The following AGTPBP1 variants were observed in gnomAD, a reference collection of about 807,000 sequenced individuals.
AGTPBP1 encodes cytosolic carboxypeptidase 1.
In AGTPBP1, 70 loss-of-function variants were observed where a neutral mutation model predicts 143.9. That is an observed-to-expected ratio of 0.49 (90% CI 0.40 to 0.59). The LOEUF (loss-of-function observed/expected upper bound fraction) is 0.59. AGTPBP1 is among the 20% of genes least tolerant of loss of function. AGTPBP1 has a pLI of 0.00. For synonymous variants in AGTPBP1, 463 were observed against 500.2 expected, an observed-to-expected ratio of 0.93 and a Z score of 0.99; for missense variants, 1,229 against 1,464.5, an observed-to-expected ratio of 0.84 and a Z score of 2.62.
intron 2 of AGTPBP1, among the ~76,000 whole-genome samples, chr9:85,699,579 C>T (rs1428671213): frequency 1.4e-5 from 2 of 146,690 alleles, no homozygotes; most frequent in African/African-American, 2.5e-5. Context: ...CTCATAAATA[C>T]GGTAAAAAAA....
the AGTPBP1 span, among the ~76,000 whole-genome samples, chr9:85,784,713 G>T: frequency 2.0e-5 from 3 of 152,136 alleles, no homozygotes; most frequent in African/African-American, 7.2e-5. Flanking sequence ...GATTTTGAGA[G>T]AATTTTAAAA....
chr9:85,787,185 T>G, the AGTPBP1 span, among the ~76,000 whole-genome samples: 2 of 152,204 alleles, frequency 1.3e-5, no homozygotes, highest in Non-Finnish European at 2.9e-5. Context: ...TTTTAAAAAT[T>G]TATAATGCTA....
At chr9:85,765,029 T>A in the AGTPBP1 span, 1 of 605,008 alleles carries the variant, frequency 1.7e-6, no homozygotes, top group African/African-American at 1.8e-5. Flanking sequence ...GTAAACTTGG[T>A]TCCTTGAGAT....
At position 85,566,209 on chromosome 9, in the gene AGTPBP1, A is replaced by C. The variant is rs532786650; in HGVS notation, c.3503+9106T>G. 6.6e-5 allele frequency among the ~76,000 whole-genome samples: 10 copies of C among 152,292 alleles called. No homozygotes were observed. In the South Asian group the frequency reaches 2.1e-3, roughly 32 times the overall value. ...GGAGTTAGCCAGGCAAAGTGTGAGC[A>C]AAAGGCTTCTCTTAAAAGTTGGTAT... On this transcript the variant is annotated intron_variant, in intron 25 of 25. Coordinates refer to ENST00000357081, the MANE Select transcript of AGTPBP1 (RefSeq NM_001330701.2).
At position 85,689,661 on chromosome 9, in the gene AGTPBP1, G is replaced by A. The variant is rs1037511070; in HGVS notation, c.157+3028C>T. ...TGTAATCCCAGCACTGTGGGAGGCC[G>A]AGACCGGCAGATCGCCTGAGGTCAA... On this transcript the variant is annotated intron_variant, in intron 3 of 25. Transcript: ENST00000357081. Among the ~76,000 whole-genome samples, 11 of 151,842 alleles carry A rather than the reference G, an allele frequency of 7.2e-5. No individual in the cohort carries two copies. The East Asian group carries it at 7.7e-4, about 11-fold the overall frequency.
chr9:85,797,994 G>A, the AGTPBP1 span, among the ~76,000 whole-genome samples: 1 of 151,896 alleles, frequency 6.6e-6, no homozygotes, highest in Non-Finnish European at 1.5e-5. Context: ...TCAGGTTCAA[G>A]TGATTCTCCT....
chr9:85,741,737 G>T, intron 1 of AGTPBP1, 38 bp downstream of exon 1: 3 of 1,282,738 alleles, frequency 2.3e-6, no homozygotes, highest in South Asian at 2.4e-5. Flanking sequence ...GCAGAGGGAC[G>T]GCCGGCCGGG....
intron 25 of AGTPBP1, among the ~76,000 whole-genome samples, chr9:85,569,310 T>C (rs1827307756): frequency 6.6e-6 from 1 of 152,086 alleles, no homozygotes; most frequent in Admixed American, 6.5e-5. Context: ...TTACCAATAA[T>C]GTAAATAATG....
chr9:85,760,767 C>T, the AGTPBP1 span, among the ~76,000 whole-genome samples: 1 of 152,104 alleles, frequency 6.6e-6, no homozygotes, highest in East Asian at 1.9e-4. Flanking sequence ...AAGTTCTGGC[C>T]AGGGCAATCA....
intron 1 of AGTPBP1, 89 bp from the exon 2 acceptor site, chr9:85,712,655 C>T (rs1433637015): frequency 1.9e-6 from 1 of 531,592 alleles, no homozygotes; most frequent in Non-Finnish European, 3.0e-6. Context: ...GGAAAGTTTT[C>T]ATTATGGGCA....
intron 3 of AGTPBP1, among the ~76,000 whole-genome samples, chr9:85,688,029 G>A (rs1835598053): frequency 6.9e-6 from 1 of 144,098 alleles, no homozygotes; most frequent in African/African-American, 2.6e-5. Context: ...GGCAGAGGTT[G>A]CAGTGAGCCG....
At chr9:85,680,301 A>C (rs1018703731) in intron 4 of AGTPBP1, among the ~76,000 whole-genome samples, 12 of 152,168 alleles carry the variant, frequency 7.9e-5, no homozygotes, top group African/African-American at 2.9e-4. Context: ...CAAAACTGTT[A>C]GGCCGGGCAC....
intron 17 of AGTPBP1, among the ~76,000 whole-genome samples, chr9:85,601,875 C>T (rs1299951552): frequency 1.3e-5 from 2 of 152,104 alleles, no homozygotes; most frequent in Admixed American, 6.5e-5. Context: ...TCACCACAGC[C>T]ACCACTAACA....
chr9:85,588,574 G>T, intron 20 of AGTPBP1, 96 bp from the exon 21 acceptor site: 1 of 1,258,400 alleles, frequency 7.9e-7, no homozygotes, highest in Non-Finnish European at 1.1e-6. Context: ...ACTCAATTGT[G>T]AATTCTAATA....
intron 17 of AGTPBP1, among the ~76,000 whole-genome samples, chr9:85,606,434 A>G (rs2133380731): frequency 6.6e-6 from 1 of 152,062 alleles, no homozygotes; most frequent in Admixed American, 6.5e-5. Flanking sequence ...GAGAAAAGAG[A>G]ACTCTTACAT....
intron 25 of AGTPBP1, among the ~76,000 whole-genome samples, chr9:85,567,262 C>G (rs1195512051): frequency 6.6e-6 from 1 of 151,838 alleles, no homozygotes; most frequent in Non-Finnish European, 1.5e-5. Context: ...TTAGGGTCTT[C>G]AAAGAAGGAA....
chr9:85,681,391 G>C, intron 3 of AGTPBP1, 56 bp from the exon 4 acceptor site: 1 of 1,466,952 alleles, frequency 6.8e-7, no homozygotes, highest in Non-Finnish European at 9.4e-7. Context: ...AGTATGTATA[G>C]TTTTGTTGCA....
intron 11 of AGTPBP1, among the ~76,000 whole-genome samples, chr9:85,650,597 A>T (rs1227022441): frequency 6.6e-6 from 1 of 152,192 alleles, no homozygotes; most frequent in East Asian, 1.9e-4. Flanking sequence ...AGGAGTCAAA[A>T]GTTCTATGCA....
rs1373049262 is a variant in AGTPBP1, at chr9:85,708,595, T to C, written c.32+3907A>G. Among the ~76,000 whole-genome samples the C allele has an allele frequency of 3.9e-5, 6 of 152,240 alleles. No homozygotes were observed. The East Asian group carries it at 9.6e-4, about 24-fold the overall frequency. On this transcript the variant is annotated intron_variant, in intron 2 of 25. Coordinates refer to ENST00000357081, the MANE Select transcript of AGTPBP1 (RefSeq NM_001330701.2). ...CTCTTTCACCGAGGCCGGAGTGCAA[T>C]GGCACTGTGTCGGCTCACTGCAACC...
Sources: gnomAD v4.1 joint callset for allele counts (sites outside exome capture counted in the v4.1 genomes callset) on GRCh38, gnomAD v4.1.1 for gene constraint, MANE v1.5 for transcripts, NCBI Gene and HGNC (gene_info 2026-07-23, HGNC 2026-07-21) for gene names.